PKM: variants seen among roughly 807,000 people sequenced by gnomAD.
PKM encodes the protein pyruvate kinase PKM.
PKM carries 18 observed loss-of-function variants against 49.8 expected under a neutral mutation model. The ratio of observed to expected loss-of-function variants is 0.36; its 90% CI spans 0.25 to 0.54. PKM has a LOEUF of 0.54. Among genes scored for constraint, PKM ranks in the 20% least tolerant of loss-of-function variants. The probability of loss-of-function intolerance (pLI) is 0.89; values close to 1 mark genes in which losing one functional copy is unlikely to be tolerated. For synonymous variants in PKM, 239 were observed against 261.8 expected (o/e 0.91, Z 0.84); for missense variants, 508 against 713.8 (o/e 0.71, Z 3.28).
rs1053495677 is a variant in PKM at position 72,202,203 on chromosome 15, T to C, written c.1307+251A>G. On this transcript the variant is annotated intron_variant, in intron 9 of 10. Transcript: ENST00000335181. This position sits in a 1 kb window ranked among gnomAD's most constrained non-coding sequence, Gnocchi z 4.5. ...TTTGTAGTCAGCCTGTGCACTGTTA[T>C]GTAATAAATCTCCAGCATAAATTTG... The C allele has an allele frequency of 1.4e-5, 8 of 562,150 alleles. No homozygotes were observed. The highest frequency in any genetic ancestry group is 5.6e-5 in the African/African-American group (3 of 53,126). 34.8% of individuals were successfully genotyped at this position (562,150 alleles called of 1,614,324 possible).
rs144372369 is a variant in PKM at position 72,206,251 on chromosome 15, C to T, written c.1140+477G>A. The T allele has an allele frequency of 9.2e-3, 1,629 of 177,156 alleles. 17 individuals are homozygous for T. The highest frequency in any genetic ancestry group is 0.027 in the Middle Eastern group (10 of 366). The allele number at this position is 177,156 out of a possible 1,614,324, so 11.0% of individuals were successfully genotyped here. The stretch of plus-strand genomic sequence containing the variant: ...GGTCCACAAGGGCCCCCTGCGGGAG[C>T]GCCTGTCTGCAGGATGCGGGGCAGA... On this transcript the variant is annotated intron_variant, in intron 8 of 10. Transcript: ENST00000335181.
At chr15:72,199,806 T>G in intron 10 of PKM, 50 bp from the exon 11 acceptor site, 1 of 1,283,650 alleles carries the variant, frequency 7.8e-7, no homozygotes, top group Non-Finnish European at 1.1e-6. Flanking sequence ...CCAGGCAGGT[T>G]TGCACCTGGG....
At position 72,202,963 on chromosome 15, in the gene PKM, G is replaced by C. The variant is rs1029546525; in HGVS notation, c.1141-343C>G. Reference sequence around the variant, plus strand: ...GGTTGGGCCTGGCTGTCTTCTCCTAGAGCAGGTGGAGCAAGAGGCTGGTTA... The same window carrying C: ...GGTTGGGCCTGGCTGTCTTCTCCTACAGCAGGTGGAGCAAGAGGCTGGTTA... On this transcript the variant is annotated intron_variant, in intron 8 of 10. Transcript: ENST00000335181. This position sits in a 1 kb window ranked among gnomAD's most constrained non-coding sequence, Gnocchi z 4.5. 3 of 1,546,194 alleles carry C rather than the reference G, an allele frequency of 1.9e-6. No individual in the cohort carries two copies. Among genetic ancestry groups the C allele is most frequent in the South Asian group, 2.2e-5 (2 of 89,606 alleles).
chr15:72,202,868 G>A lies in PKM; in HGVS notation c.1141-248C>T. ...TGCCTACTGAGCCACAGGACCCTTT[G>A]GTCCTGCCCTGCCATGACCTCCCTG... is the stretch of plus-strand genomic sequence containing the variant. On this transcript the variant is annotated intron_variant, in intron 8 of 10. Coordinates refer to ENST00000335181, the MANE Select transcript of PKM (RefSeq NM_002654.6). The surrounding 1 kb of genome is among the most constrained non-coding windows in gnomAD (Gnocchi z 4.5). The A allele has an allele frequency of 1.2e-6, 1 of 825,018 alleles. No individual in the cohort carries two copies. Among genetic ancestry groups the A allele is most frequent in the South Asian group, 1.4e-5 (1 of 71,190 alleles). 51.1% of individuals were successfully genotyped at this position (825,018 alleles called of 1,614,324 possible).
chr15:72,208,713 T>C lies in PKM; in HGVS notation c.744A>G (p.Ala248=), dbSNP rs759599470. The change falls in exon 6 of 11, where the codon GCA becomes GCG. Residue 248 remains alanine (A), a synonymous_variant. Coordinates refer to ENST00000335181, the MANE Select transcript of PKM (RefSeq NM_002654.6). ...CCTTCCTAACTTCATGGACATCAGA[T>C]GCCTTGCGGATGAATGACGCAAACA... ...DMVFASFIRK[A]SDVHEVRKVL... is the part of the protein sequence containing the mutation. 111 of 1,614,040 alleles carry C rather than the reference T, an allele frequency of 6.9e-5. No homozygotes were observed. Among genetic ancestry groups the C allele is most frequent in the Non-Finnish European group, 8.6e-5 (102 of 1,180,010 alleles).
chr15:72,221,512 G>A (rs1278657412), intron 1 of PKM, among the ~76,000 whole-genome samples: 1 of 151,882 alleles, frequency 6.6e-6, no homozygotes, highest in Admixed American at 6.6e-5. Flanking sequence ...AAAAGACCTG[G>A]GAGGATATAT....
chr15:72,227,984 T>C (rs2082729212), intron 1 of PKM, among the ~76,000 whole-genome samples: 1 of 152,152 alleles, frequency 6.6e-6, no homozygotes, highest in Non-Finnish European at 1.5e-5. Flanking sequence ...GCAACTCCCA[T>C]AAAGTGCTAG....
At position 72,206,733 on chromosome 15, in the gene PKM, G is replaced by A. The variant is rs1283026574; in HGVS notation, c.1135C>T (p.His379Tyr). ...GGGCAGGCCCCAGAACTCACCAGGT[G>A]CTGCATGCGCACAGCCTCCAGAGGA... ...DYPLEAVRMQHLIAREAEAAI... is the reference protein window; with the variant it reads ...DYPLEAVRMQYLIAREAEAAI... Residue 379 changes from histidine (H) to tyrosine (Y), a missense_variant, in exon 8 of 11, where the codon CAC becomes TAC. By Grantham distance (83) the His-to-Tyr change is moderately conservative. Coordinates refer to ENST00000335181, the MANE Select transcript of PKM (RefSeq NM_002654.6). 1 of 1,612,776 alleles carries A rather than the reference G, an allele frequency of 6.2e-7. No homozygotes were observed. Among genetic ancestry groups the A allele is most frequent in the East Asian group, 2.2e-5 (1 of 44,902 alleles).
intron 3 of PKM, among the ~76,000 whole-genome samples, chr15:72,213,100 C>T (rs796619690): frequency 2.6e-5 from 4 of 152,202 alleles, no homozygotes; most frequent in African/African-American, 9.6e-5. Context: ...AAATGTCAAC[C>T]TTAACTCTAC....
chr15:72,206,632 G>T, intron 8 of PKM, 96 bp downstream of exon 8: 2 of 1,203,260 alleles, frequency 1.7e-6, no homozygotes, highest in Non-Finnish European at 2.5e-6. Flanking sequence ...CTGTGCATAA[G>T]AGGATGGAGA....
At position 72,200,235 on chromosome 15, in the gene PKM, T is replaced by C. The variant is rs528573029; in HGVS notation, c.1489+239A>G. 7.9e-5 allele frequency among the ~76,000 whole-genome samples: 12 copies of C among 152,256 alleles called. No homozygotes were observed. Among genetic ancestry groups the C allele is most frequent in the South Asian group, 6.2e-4 (3 of 4,824 alleles). ...AGACTAGAAGAGAAGAGGAACTGAA[T>C]TGCTCAGCCCTACAACTCAAAGGAC... On this transcript the variant is annotated intron_variant, in intron 10 of 10. Transcript: ENST00000335181. The surrounding 1 kb of genome is among the most constrained non-coding windows in gnomAD (Gnocchi z 4.6).
Position 72,200,539 on chromosome 15 carries a change from T to C in PKM, c.1424A>G (p.Lys475Arg). Residue 475 changes from lysine to arginine, a missense_variant, in exon 10 of 11, where the codon AAG becomes AGG. Lys to Arg is a conservative substitution (Grantham distance 26). Transcript: ENST00000335181. This position sits in a 1 kb window ranked among gnomAD's most constrained non-coding sequence, Gnocchi z 4.6. The stretch of plus-strand genomic sequence containing the variant: ...AGCCCAGGCCTCCTGGACTGGGTCC[T>C]TGCACAGCACAGGGAAGATGCCACG... Reference protein sequence around the residue: ...LYRGIFPVLCKDPVQEAWAED... With the variant: ...LYRGIFPVLCRDPVQEAWAED... 6.2e-7 allele frequency: 1 copy of C among 1,613,902 alleles called. No individual in the cohort carries two copies. Among genetic ancestry groups the C allele is most frequent in the South Asian group, 1.1e-5 (1 of 91,082 alleles).
At chr15:72,208,950 C>G (rs140291849) in intron 5 of PKM, 59 bp from the exon 6 acceptor site, 2 of 1,555,474 alleles carry the variant, frequency 1.3e-6, no homozygotes, top group South Asian at 2.3e-5. Flanking sequence ...CAACAGGAAG[C>G]AGGCACCTTT....
chr15:72,208,605 G>A lies in PKM; in HGVS notation c.836+16C>T, dbSNP rs1361232656. Reference sequence around the variant, plus strand: ...AGAGCTGCGCTGGGACTGGAGCAGGGACAACGGGGACTTGCCTCCGAACCC... The same window carrying A: ...AGAGCTGCGCTGGGACTGGAGCAGGAACAACGGGGACTTGCCTCCGAACCC... On this transcript the variant is annotated intron_variant, in intron 6 of 10. Transcript: ENST00000335181. 1 of 1,613,806 alleles carries A rather than the reference G, an allele frequency of 6.2e-7. No individual in the cohort carries two copies. Among genetic ancestry groups the A allele is most frequent in the Non-Finnish European group, 8.5e-7 (1 of 1,179,882 alleles).
chr15:72,206,601 A>T, intron 8 of PKM, 127 bp downstream of exon 8: 1 of 932,602 alleles, frequency 1.1e-6, no homozygotes, highest in Non-Finnish European at 1.7e-6. Flanking sequence ...TTGCTGCTGT[A>T]ACTTGGAGGA....
At chr15:72,203,645 T>TA in intron 8 of PKM, 1 of 196,882 alleles carries the variant, frequency 5.1e-6, no homozygotes. Flanking sequence ...GAGTGAGCGC[T>TA]CACTTGGCTT....
intron 2 of PKM, among the ~76,000 whole-genome samples, chr15:72,218,624 G>A (rs1314410431): frequency 6.7e-6 from 1 of 150,046 alleles, no homozygotes; most frequent in East Asian, 1.9e-4. Flanking sequence ...GAGAGACAGG[G>A]TCTAAGTTGC....
At chr15:72,203,021 C>A (rs1401850638) in intron 8 of PKM, 1 of 1,613,914 alleles carries the variant, frequency 6.2e-7, no homozygotes, top group Non-Finnish European at 8.5e-7. Flanking sequence ...TAGGGCCCTA[C>A]CTGCCAGACT....
Position 72,207,261 on chromosome 15 carries a change from C to G in PKM, c.853G>C (p.Glu285Gln). 6.2e-7 allele frequency: 1 copy of G among 1,614,134 alleles called. No individual in the cohort carries two copies. Reference sequence around the variant, plus strand: ...GCCACCATGATCCCATCACTGGCCTCCAGGATTTCATCAAACCTGATGGAC... The same window carrying G: ...GCCACCATGATCCCATCACTGGCCTGCAGGATTTCATCAAACCTGATGGAC... The part of the protein sequence containing the change: ...EGVRRFDEIL[E>Q]ASDGIMVARG... The change falls in exon 7 of 11, where the codon GAG (glutamate) becomes CAG (glutamine). Residue 285 changes from glutamate to glutamine, a missense_variant. Glu to Gln is a conservative substitution (Grantham distance 29). Coordinates refer to ENST00000335181, the MANE Select transcript of PKM (RefSeq NM_002654.6).
Sources: allele counts gnomAD v4.1 joint callset (sites outside exome capture counted in the v4.1 genomes callset), GRCh38; gene constraint gnomAD v4.1.1; non-coding constraint Gnocchi (gnomAD v3.1); transcripts MANE v1.5; gene names NCBI Gene and HGNC (gene_info 2026-07-23, HGNC 2026-07-21).